The following AGBL1 variants were observed in gnomAD, a reference collection of about 807,000 sequenced individuals.
AGBL1 encodes cytosolic carboxypeptidase 4.
A neutral mutation model predicts 118.9 loss-of-function variants in AGBL1; 130 were observed. That is an observed-to-expected ratio of 1.09 (90% CI 0.95 to 1.26). The LOEUF (loss-of-function observed/expected upper bound fraction) is 1.26. AGBL1 is among the 50% of genes most tolerant of loss of function. The probability of loss-of-function intolerance (pLI) is 0.00; values close to 1 mark genes in which losing one functional copy is unlikely to be tolerated. For synonymous variants in AGBL1, 555 were observed against 478.9 expected (o/e 1.16, Z -2.08); for missense variants, 1,584 against 1,298.1 (o/e 1.22, Z -3.38).
chr15:86,334,802 C>T (rs1465091658), intron 17 of AGBL1, among the ~76,000 whole-genome samples: 2 of 152,216 alleles, frequency 1.3e-5, no homozygotes, highest in East Asian at 3.9e-4. Flanking sequence ...TGGTACACTA[C>T]AAAAACAGAC....
chr15:86,198,662 T>TTCTCTCTC (rs148093995), intron 5 of AGBL1, among the ~76,000 whole-genome samples: 1 of 150,094 alleles, frequency 6.7e-6, no homozygotes, highest in East Asian at 2.0e-4. Flanking sequence ...GAGGAAGATT[T>TTCTCTCTC]TCTCTCTCTC....
At chr15:86,137,034 C>T (rs2076898633) in intron 1 of AGBL1, among the ~76,000 whole-genome samples, 1 of 152,162 alleles carries the variant, frequency 6.6e-6, no homozygotes, top group African/African-American at 2.4e-5. Context: ...CACATCCTGC[C>T]TTCTTTAACT....
chr15:86,247,905 C>A (rs747789108), intron 7 of AGBL1, 26 bp downstream of exon 7: 1 of 1,610,522 alleles, frequency 6.2e-7, no homozygotes, highest in African/African-American at 1.3e-5. Flanking sequence ...ATTCACTCTG[C>A]AGCTGGAGGC....
chr15:86,972,259 G>A (rs2081115924), intron 23 of AGBL1, among the ~76,000 whole-genome samples: 1 of 151,942 alleles, frequency 6.6e-6, no homozygotes, highest in Non-Finnish European at 1.5e-5. Context: ...ATTGATCTGA[G>A]GAGAGAAGGA....
chr15:86,520,546 C>T (rs1019789860), intron 18 of AGBL1, among the ~76,000 whole-genome samples: 1 of 152,088 alleles, frequency 6.6e-6, no homozygotes, highest in Non-Finnish European at 1.5e-5. Context: ...GAGCCTTCTC[C>T]ATGTAGATGT....
chr15:86,080,940 G>T (rs995573758), intron 1 of AGBL1, among the ~76,000 whole-genome samples: 5 of 148,974 alleles, frequency 3.4e-5, no homozygotes, highest in Non-Finnish European at 7.6e-5. Flanking sequence ...TGTGGGGGCG[G>T]GGGGGGGTCC....
At chr15:86,577,425 A>G (rs1448291738) in intron 21 of AGBL1, among the ~76,000 whole-genome samples, 1 of 152,222 alleles carries the variant, frequency 6.6e-6, no homozygotes, top group Non-Finnish European at 1.5e-5. Flanking sequence ...AGGGAAACAG[A>G]GCATAAAAAT....
Position 86,944,966 on chromosome 15 carries a change from G to A in AGBL1, c.3222-43021G>A, listed in dbSNP as rs75806521. On this transcript the variant is annotated intron_variant, in intron 23 of 24. Coordinates refer to the AGBL1 transcript ENST00000441037. Reference sequence around the variant, plus strand: ...GAGCAAATCAGAATGTATGGTCATCGTGTATATAAGTATTATGAAATTTGT... The same window carrying A: ...GAGCAAATCAGAATGTATGGTCATCATGTATATAAGTATTATGAAATTTGT... Among the ~76,000 whole-genome samples the A allele has an allele frequency of 9.2e-3, 1,395 of 152,198 alleles. 20 individuals are homozygous for A. The highest frequency in any genetic ancestry group is 0.032 in the African/African-American group (1,342 of 41,518).
At chr15:86,942,739 C>T (rs903178258) in intron 23 of AGBL1, among the ~76,000 whole-genome samples, 8 of 152,248 alleles carry the variant, frequency 5.3e-5, no homozygotes, top group Admixed American at 1.3e-4. Flanking sequence ...TAGAAACAGT[C>T]GGCTTTTCTA....
intron 18 of AGBL1, among the ~76,000 whole-genome samples, chr15:86,415,975 T>A (rs567018849): frequency 6.6e-6 from 1 of 152,112 alleles, no homozygotes; most frequent in Non-Finnish European, 1.5e-5. Flanking sequence ...TTCACATGAC[T>A]TTTTTTTCAC....
intron 17 of AGBL1, among the ~76,000 whole-genome samples, chr15:86,336,288 T>A (rs1416072812): frequency 6.6e-6 from 1 of 152,190 alleles, no homozygotes; most frequent in Non-Finnish European, 1.5e-5. Flanking sequence ...TGGGGTTGGG[T>A]TCTGTTTCTG....
chr15:86,722,276 C>T (rs1458751743), intron 22 of AGBL1, among the ~76,000 whole-genome samples: 3 of 152,144 alleles, frequency 2.0e-5, no homozygotes, highest in Non-Finnish European at 2.9e-5. Context: ...TCTACAGTAA[C>T]CAAAAGAGCA....
At chr15:86,773,794 G>A (rs1385817522) in intron 22 of AGBL1, among the ~76,000 whole-genome samples, 1 of 151,834 alleles carries the variant, frequency 6.6e-6, no homozygotes, top group Non-Finnish European at 1.5e-5. Context: ...AAAGAAAAAA[G>A]CAGAGCAGCT....
At chr15:86,725,169 C>A (rs1009414831) in intron 22 of AGBL1, among the ~76,000 whole-genome samples, 1 of 152,168 alleles carries the variant, frequency 6.6e-6, no homozygotes, top group African/African-American at 2.4e-5. Flanking sequence ...TATTACATTT[C>A]TTTTAAATTT....
intron 9 of AGBL1, among the ~76,000 whole-genome samples, chr15:86,259,800 G>T (rs1335387822): frequency 6.6e-6 from 1 of 152,196 alleles, no homozygotes. Context: ...CTCCCCTCTT[G>T]CTTGCTCTTT....
At chr15:86,567,468 C>G (rs1041356438) in intron 21 of AGBL1, among the ~76,000 whole-genome samples, 1 of 152,160 alleles carries the variant, frequency 6.6e-6, no homozygotes, top group Admixed American at 6.5e-5. Context: ...TGTGAGCCTT[C>G]TTCTAGGAGA....
At chr15:86,453,238 A>C (rs1349698658) in intron 18 of AGBL1, among the ~76,000 whole-genome samples, 1 of 152,216 alleles carries the variant, frequency 6.6e-6, no homozygotes, top group African/African-American at 2.4e-5. Flanking sequence ...GTAAGGGAAC[A>C]CAAAGCATGT....
intron 10 of AGBL1, among the ~76,000 whole-genome samples, chr15:86,263,454 A>G (rs938939042): frequency 1.3e-5 from 2 of 152,228 alleles, no homozygotes; most frequent in Non-Finnish European, 2.9e-5. Context: ...CCCCATTGTT[A>G]GGTAATGCAT....
rs553546381 is a variant in AGBL1 at position 86,255,337 on chromosome 15, G to C, written c.736-1516G>C. Among the ~76,000 whole-genome samples the C allele has an allele frequency of 5.6e-4, 86 of 152,262 alleles. 1 individual carries two copies. In the South Asian group the frequency reaches 0.017, roughly 31 times the overall value. On this transcript the variant is annotated intron_variant, in intron 7 of 22. Coordinates refer to ENST00000614907, the MANE Select transcript of AGBL1 (RefSeq NM_001386094.1). ...TCAACTGTTCATTAGCCTCCATAAT[G>C]AATTAGCCAAAACTAATTCATTTTC...
Sources: allele counts gnomAD v4.1 joint callset (sites outside exome capture counted in the v4.1 genomes callset), GRCh38; gene constraint gnomAD v4.1.1; transcripts MANE v1.5; gene names NCBI Gene and HGNC (gene_info 2026-07-23, HGNC 2026-07-21).